PTPRD: variants seen among roughly 807,000 people sequenced by gnomAD.
The protein encoded by PTPRD is protein tyrosine phosphatase receptor type D.
In PTPRD, 34 loss-of-function variants were observed where a neutral mutation model predicts 214.5. The ratio of observed to expected loss-of-function variants is 0.16; its 90% CI spans 0.12 to 0.21. The LOEUF is 0.21. Ranked by LOEUF, PTPRD falls within the 10% of genes least tolerant of loss-of-function variation. PTPRD has a pLI of 1.00. For synonymous variants in PTPRD, 1,128 were observed against 845.7 expected, an observed-to-expected ratio of 1.33 and a Z score of -5.79; for missense variants, 2,545 against 2,398.7, an observed-to-expected ratio of 1.06 and a Z score of -1.27.
chr9:8,644,426 G>T (rs569651025), intron 12 of PTPRD, among the ~76,000 whole-genome samples: 2 of 152,304 alleles, frequency 1.3e-5, no homozygotes, highest in African/African-American at 4.8e-5. Context: ...CCTGGTCACA[G>T]GACAAGAACT....
chr9:9,226,547 AG>A (rs1453488859), intron 9 of PTPRD, among the ~76,000 whole-genome samples: 1 of 151,884 alleles, frequency 6.6e-6, no homozygotes, highest in Non-Finnish European at 1.5e-5. Context: ...ATAAAAATGG[AG>A]GTTAAAAATA....
chr9:9,617,131 C>T (rs2094921726), intron 7 of PTPRD, among the ~76,000 whole-genome samples: 1 of 152,072 alleles, frequency 6.6e-6, no homozygotes, highest in Admixed American at 6.5e-5. Context: ...GAATAGAATG[C>T]TTATTCTGGG....
intron 2 of PTPRD, among the ~76,000 whole-genome samples, chr9:10,439,009 T>C (rs1193012223): frequency 6.6e-6 from 1 of 151,696 alleles, no homozygotes; most frequent in Non-Finnish European, 1.5e-5. Context: ...CCATGTGACT[T>C]GACTGCTAAA....
At chr9:9,348,504 A>G (rs2049807342) in intron 9 of PTPRD, among the ~76,000 whole-genome samples, 1 of 152,084 alleles carries the variant, frequency 6.6e-6, no homozygotes, top group African/African-American at 2.4e-5. Context: ...GTGGGCAAGT[A>G]TGCTGGGTGG....
At chr9:9,563,875 G>A (rs1335792531) in intron 8 of PTPRD, among the ~76,000 whole-genome samples, 3 of 152,110 alleles carry the variant, frequency 2.0e-5, no homozygotes, top group African/African-American at 7.2e-5. Flanking sequence ...CTTGACTTCA[G>A]TTAACCTTAT....
chr9:9,833,786 A>G (rs578181609), intron 5 of PTPRD, among the ~76,000 whole-genome samples: 2 of 152,048 alleles, frequency 1.3e-5, no homozygotes, highest in East Asian at 3.9e-4. Context: ...TTTGCTTTTG[A>G]AAGAAGAGAA....
At position 8,809,431 on chromosome 9, in the gene PTPRD, G is replaced by C. The variant is rs191265247; in HGVS notation, c.-103-75485C>G. On this transcript the variant is annotated intron_variant, in intron 11 of 45. Coordinates refer to ENST00000381196, the MANE Select transcript of PTPRD (RefSeq NM_002839.4). ...CCTCCAAGGTCTCATAGGCCTAACAGTGGAGCCAATAACCCAATAACCAAC... is the reference window on the plus strand; with the variant it reads ...CCTCCAAGGTCTCATAGGCCTAACACTGGAGCCAATAACCCAATAACCAAC... Among the ~76,000 whole-genome samples, 361 of 152,244 alleles carry C rather than the reference G, an allele frequency of 2.4e-3. 1 individual carries two copies. Among genetic ancestry groups the C allele is most frequent in the African/African-American group, 8.5e-3 (352 of 41,544 alleles).
intron 7 of PTPRD, among the ~76,000 whole-genome samples, chr9:9,717,916 T>C (rs553179591): frequency 3.6e-4 from 35 of 98,264 alleles, no homozygotes; most frequent in Non-Finnish European, 6.2e-4. Flanking sequence ...AAAATTAGCA[T>C]TGGAAAGACT....
chr9:8,485,847 G>A lies in PTPRD; in HGVS notation c.2970C>T (p.Tyr990=), dbSNP rs576886695. 30 of 1,614,138 alleles carry A rather than the reference G, an allele frequency of 1.9e-5. No individual in the cohort carries two copies. Among genetic ancestry groups the A allele is most frequent in the East Asian group, 4.5e-5 (2 of 44,864 alleles). The change falls in exon 28 of 46, where the codon TAC becomes TAT. Residue 990 remains tyrosine (Y), a synonymous_variant. Coordinates refer to ENST00000381196, the MANE Select transcript of PTPRD (RefSeq NM_002839.4). ...TLTGLKPDTT[Y]DVKVRAHTSK... ...TCGTATGAGCACGTACTTTTACATCGTATGTGGTATCTGGTTTTAAGCCAG... is the reference window on the plus strand; with the variant it reads ...TCGTATGAGCACGTACTTTTACATCATATGTGGTATCTGGTTTTAAGCCAG...
At chr9:10,603,692 G>C (rs1204847470) in intron 2 of PTPRD, among the ~76,000 whole-genome samples, 1 of 151,884 alleles carries the variant, frequency 6.6e-6, no homozygotes, top group East Asian at 1.9e-4. Context: ...CAGATATGAA[G>C]CAGTCAATAA....
intron 7 of PTPRD, among the ~76,000 whole-genome samples, chr9:9,663,033 C>G (rs945088985): frequency 4.0e-5 from 6 of 151,432 alleles, no homozygotes; most frequent in African/African-American, 1.5e-4. Flanking sequence ...CATTATGATT[C>G]CTATCTAATT....
At chr9:8,444,128 G>C (rs1318777606) in intron 34 of PTPRD, among the ~76,000 whole-genome samples, 1 of 152,138 alleles carries the variant, frequency 6.6e-6, no homozygotes, top group East Asian at 1.9e-4. Context: ...AAATAGCAAT[G>C]ATGGTGTCAA....
At chr9:8,831,881 G>T (rs992405746) in intron 11 of PTPRD, among the ~76,000 whole-genome samples, 2 of 149,480 alleles carry the variant, frequency 1.3e-5, no homozygotes, top group East Asian at 1.9e-4. Context: ...AACGTTTTAT[G>T]AAGTCCATAT....
At chr9:9,360,347 A>C (rs775674106) in intron 9 of PTPRD, among the ~76,000 whole-genome samples, 1 of 151,320 alleles carries the variant, frequency 6.6e-6, no homozygotes, top group Non-Finnish European at 1.5e-5. Flanking sequence ...AATAATAGGA[A>C]AAAGAAATCT....
At chr9:8,568,674 A>G (rs2090168892) in intron 14 of PTPRD, among the ~76,000 whole-genome samples, 1 of 152,172 alleles carries the variant, frequency 6.6e-6, no homozygotes, top group Non-Finnish European at 1.5e-5. Context: ...TAATCTGGTT[A>G]CAACAACAAA....
At chr9:9,270,701 T>C (rs567627903) in intron 9 of PTPRD, among the ~76,000 whole-genome samples, 6 of 151,570 alleles carry the variant, frequency 4.0e-5, no homozygotes, top group African/African-American at 1.4e-4. Flanking sequence ...CATTGGCTAC[T>C]GTGTGTAGAA....
intron 8 of PTPRD, among the ~76,000 whole-genome samples, chr9:9,416,834 G>A (rs541547402): frequency 6.6e-6 from 1 of 152,250 alleles, no homozygotes; most frequent in East Asian, 1.9e-4. Context: ...GCTTCTGTTG[G>A]TTCAAATCCT....
chr9:9,620,970 G>A (rs1266972113), intron 7 of PTPRD, among the ~76,000 whole-genome samples: 1 of 152,126 alleles, frequency 6.6e-6, no homozygotes, highest in East Asian at 1.9e-4. Flanking sequence ...CTCCACAGAT[G>A]GAGAATTATC....
intron 9 of PTPRD, among the ~76,000 whole-genome samples, chr9:9,337,951 A>G (rs1247390061): frequency 6.6e-6 from 1 of 152,216 alleles, no homozygotes; most frequent in Non-Finnish European, 1.5e-5. Context: ...TACTTTCTTC[A>G]TACATTCTTT....
Sources: allele counts gnomAD v4.1 joint callset (sites outside exome capture counted in the v4.1 genomes callset), GRCh38; gene constraint gnomAD v4.1.1; transcripts MANE v1.5; gene names NCBI Gene and HGNC (gene_info 2026-07-23, HGNC 2026-07-21).